EPHA7: variants seen among roughly 807,000 people sequenced by gnomAD.
EPHA7 encodes the protein EPH receptor A7.
Under a neutral mutation model 112.6 loss-of-function variants are expected in EPHA7, and 25 were observed. The ratio of observed to expected loss-of-function variants is 0.22; its 90% CI spans 0.16 to 0.31. EPHA7 has a LOEUF of 0.31. Among genes scored for constraint, EPHA7 ranks in the 10% least tolerant of loss-of-function variants. The pLI, the probability that EPHA7 is intolerant of heterozygous loss-of-function variation, is 1.00. For missense variants in EPHA7, 962 were observed against 1,212.6 expected (o/e 0.79, Z 3.07); for synonymous variants, 437 against 406.5 (o/e 1.07, Z -0.90).
At chr6:93,379,012 C>T (rs1454402364) in intron 3 of EPHA7, among the ~76,000 whole-genome samples, 1 of 151,926 alleles carries the variant, frequency 6.6e-6, no homozygotes, top group East Asian at 1.9e-4. Context: ...AGATGAAAAA[C>T]ACAAACATAT....
intron 5 of EPHA7, among the ~76,000 whole-genome samples, chr6:93,310,993 G>C (rs1773505693): frequency 6.6e-6 from 1 of 151,594 alleles, no homozygotes; most frequent in Non-Finnish European, 1.5e-5. Flanking sequence ...TGTTTTTTGA[G>C]TGTCTTGCTA....
Position 93,356,946 on chromosome 6 carries a change from G to A in EPHA7, c.1095C>T (p.Tyr365=), listed in dbSNP as rs760995683. ...ADNGGRNDVT[Y]RILCKRCSWE... is the part of the protein sequence containing the mutation. ...AACTGCACCGCTTACACAATATTCT[G>A]TAGGTCACATCGTTTCTTCCCCCAT... The change falls in exon 5 of 17, where the codon TAC becomes TAT. Residue 365 remains tyrosine, a synonymous_variant. Transcript: ENST00000369303. 32 of 1,614,162 alleles carry A rather than the reference G, an allele frequency of 2.0e-5. No homozygotes were observed. The highest frequency in any genetic ancestry group is 2.7e-5 in the African/African-American group (2 of 75,050).
At chr6:93,400,381 T>A (rs1207269724) in intron 3 of EPHA7, among the ~76,000 whole-genome samples, 1 of 152,114 alleles carries the variant, frequency 6.6e-6, no homozygotes, top group Non-Finnish European at 1.5e-5. Context: ...ATCTTTCATT[T>A]ATTTTTCTCA....
At position 93,256,114 on chromosome 6, in the gene EPHA7, C is replaced by T. The variant is rs374741686; in HGVS notation, c.2173-77G>A. ...CAAAAATCACCATGAAAAATATCTG[C>T]GTGCTAGCAATTTGCTATTGTATAA... On this transcript the variant is annotated intron_variant, in intron 12 of 16. Transcript: ENST00000369303. 39 of 1,304,816 alleles carry T rather than the reference C, an allele frequency of 3.0e-5. 2 individuals are homozygous for T. The highest frequency in any genetic ancestry group is 6.2e-5 in the South Asian group (5 of 80,738). 80.8% of individuals were successfully genotyped at this position (1,304,816 alleles called of 1,614,324 possible).
At chr6:93,372,700 G>C (rs555155066) in intron 3 of EPHA7, among the ~76,000 whole-genome samples, 25 of 152,126 alleles carry the variant, frequency 1.6e-4, no homozygotes, top group African/African-American at 5.8e-4. Context: ...AATGGCATAG[G>C]TTGTCCAAAC....
At chr6:93,306,965 T>C (rs568941301) in intron 5 of EPHA7, among the ~76,000 whole-genome samples, 27 of 152,066 alleles carry the variant, frequency 1.8e-4, no homozygotes, top group South Asian at 4.1e-4. Flanking sequence ...GAAAATATCA[T>C]AGGGGATTGA....
chr6:93,361,570 G>A (rs966532838), intron 3 of EPHA7, among the ~76,000 whole-genome samples: 3 of 151,970 alleles, frequency 2.0e-5, no homozygotes. Flanking sequence ...AAAGTTAGAC[G>A]AGCTCACCAA....
chr6:93,336,019 T>C (rs759237274), intron 5 of EPHA7, among the ~76,000 whole-genome samples: 23 of 152,164 alleles, frequency 1.5e-4, no homozygotes, highest in Non-Finnish European at 1.3e-4. Context: ...CCAAAACATA[T>C]TGGATAATGT....
intron 14 of EPHA7, among the ~76,000 whole-genome samples, chr6:93,249,153 T>C (rs971549874): frequency 5.3e-5 from 8 of 152,160 alleles, no homozygotes; most frequent in Non-Finnish European, 1.2e-4. Context: ...TATGATCCCA[T>C]AATTACAAAT....
At chr6:93,260,757 C>G (rs1000747573) in intron 9 of EPHA7, 3 of 977,054 alleles carry the variant, frequency 3.1e-6, no homozygotes, top group African/African-American at 1.8e-5. Flanking sequence ...ATAAAACTGA[C>G]AGATGCTCAT....
At position 93,345,338 on chromosome 6, in the gene EPHA7, T is replaced by C. The variant is rs185666907; in HGVS notation, c.1324+11379A>G. 9.7e-4 allele frequency among the ~76,000 whole-genome samples: 148 copies of C among 151,894 alleles called. 2 individuals carry two copies. The highest frequency in any genetic ancestry group is 3.3e-3 in the African/African-American group (138 of 41,524). On this transcript the variant is annotated intron_variant, in intron 5 of 16. Transcript: ENST00000369303. ...CTAATTATCTGATGTCAACACGCTATGGATAATTAAGAACTGCATGCTTTA... is the reference window on the plus strand; with the variant it reads ...CTAATTATCTGATGTCAACACGCTACGGATAATTAAGAACTGCATGCTTTA...
rs142149323 is a variant in EPHA7 at position 93,290,537 on chromosome 6, G to GA, written c.1325-18116dup. Among the ~76,000 whole-genome samples the GA allele has an allele frequency of 0.01, 1,593 of 152,250 alleles. 120 individuals carry two copies. The East Asian group carries it at 0.19, about 18-fold the overall frequency. ...TCAGAGAGACTGGAATTAGTCCCTA[G>GA]AAGTCTGATAACTTTCAGTTATCTA... is the stretch of plus-strand genomic sequence containing the variant. On this transcript the variant is annotated intron_variant, in intron 5 of 16. Coordinates refer to ENST00000369303, the MANE Select transcript of EPHA7 (RefSeq NM_004440.4).
At chr6:93,407,426 G>T (rs1778773921) in intron 3 of EPHA7, among the ~76,000 whole-genome samples, 1 of 152,026 alleles carries the variant, frequency 6.6e-6, no homozygotes, top group African/African-American at 2.4e-5. Flanking sequence ...AAGTACTCTT[G>T]CAGCAATGCA....
intron 5 of EPHA7, among the ~76,000 whole-genome samples, chr6:93,317,044 A>T (rs1426079201): frequency 6.6e-6 from 1 of 152,152 alleles, no homozygotes; most frequent in East Asian, 1.9e-4. Context: ...TCTTTCCTAA[A>T]CATATAATAA....
chr6:93,419,348 TGAGCA>T lies in EPHA7; in HGVS notation c.-12_-8del. On this transcript the variant is annotated 5_prime_UTR_variant, in exon 1 of 17. Transcript: ENST00000369303. ...ACCGAGTTTGAAAAACCATGGTGCA[TGAGCA>T]GGTTTTATTTTAGGTTTCAGTTATC... The T allele has an allele frequency of 6.2e-7, 1 of 1,607,068 alleles. No individual in the cohort carries two copies. Among genetic ancestry groups the T allele is most frequent in the Non-Finnish European group, 8.5e-7 (1 of 1,174,610 alleles).
At chr6:93,390,588 T>C (rs1777855469) in intron 3 of EPHA7, among the ~76,000 whole-genome samples, 1 of 151,254 alleles carries the variant, frequency 6.6e-6, no homozygotes, top group African/African-American at 2.4e-5. Flanking sequence ...AAAAAAAGTT[T>C]ATACACATAC....
At chr6:93,329,128 G>T (rs1774463574) in intron 5 of EPHA7, among the ~76,000 whole-genome samples, 1 of 151,134 alleles carries the variant, frequency 6.6e-6, no homozygotes, top group South Asian at 2.1e-4. Context: ...TTTAACTTTT[G>T]TTTCCTTTAA....
At position 93,254,748 on chromosome 6, in the gene EPHA7, G is replaced by A. The variant is rs1295357534; in HGVS notation, c.2431C>T (p.Arg811Trp). The A allele has an allele frequency of 2.5e-6, 4 of 1,613,010 alleles. No individual in the cohort carries two copies. The highest frequency in any genetic ancestry group is 3.4e-6 in the Non-Finnish European group (4 of 1,179,380). Residue 811 changes from arginine to tryptophan, a missense_variant, in exon 14 of 17, where the codon CGG (arginine) becomes TGG (tryptophan). This residue lies in a region of EPHA7 where 746 missense variants were observed against 889.2 expected (regional missense o/e 0.84). Coordinates refer to ENST00000369303, the MANE Select transcript of EPHA7 (RefSeq NM_004440.4). ...RWTAPEAIQY[R>W]KFTSASDVWS... is the part of the protein sequence containing the mutation. ...ACATCACTGGCTGATGTGAATTTCC[G>A]GTACTGGATGGCTTCGGGTGCTGTC...
At chr6:93,418,502 C>A (rs376151506) in intron 1 of EPHA7, among the ~76,000 whole-genome samples, 2 of 152,214 alleles carry the variant, frequency 1.3e-5, no homozygotes, top group Non-Finnish European at 2.9e-5. Context: ...AGCTCCAGCC[C>A]GCCCCCTGCC....
Sources: gnomAD v4.1 joint callset for allele counts (sites outside exome capture counted in the v4.1 genomes callset) on GRCh38, gnomAD v4.1.1 for gene constraint, gnomAD v4.1.1 regional missense constraint, MANE v1.5 for transcripts, NCBI Gene and HGNC (gene_info 2026-07-23, HGNC 2026-07-21) for gene names.